The following EPHB1 variants were observed in gnomAD, a reference collection of about 807,000 sequenced individuals.
EPHB1 encodes EPH receptor B1, also known as ephrin type-B receptor 1.
EPHB1 carries 30 observed loss-of-function variants against 94.4 expected under a neutral mutation model. The observed-to-expected ratio is 0.32, with a 90% CI of 0.24 to 0.43. The LOEUF (loss-of-function observed/expected upper bound fraction) is 0.43. Ranked by LOEUF, EPHB1 falls within the 20% of genes least tolerant of loss-of-function variation. The pLI is 1.00. For missense variants in EPHB1, 1,055 were observed against 1,308.3 expected, an observed-to-expected ratio of 0.81 and a Z score of 2.99; for synonymous variants, 522 against 489.1, an observed-to-expected ratio of 1.07 and a Z score of -0.89.
chr3:135,037,062 C>T (rs1936668493), intron 3 of EPHB1, among the ~76,000 whole-genome samples: 1 of 152,124 alleles, frequency 6.6e-6, no homozygotes, highest in Admixed American at 6.5e-5. Context: ...ACATGGGGAA[C>T]ATCTTGACCT....
rs999393772 is a variant in EPHB1 at position 134,962,070 on chromosome 3, G to C, written c.805+10018G>C. Among the ~76,000 whole-genome samples, 5 of 152,068 alleles carry C rather than the reference G, an allele frequency of 3.3e-5. No individual in the cohort carries two copies. In the East Asian group the frequency reaches 9.6e-4, roughly 29 times the overall value. Reference sequence around the variant, plus strand: ...TTCCCAAATTGTCCTCCCCAAAAAGGCATTTTCTACCAATTTTTGTTCCCA... The same window carrying C: ...TTCCCAAATTGTCCTCCCCAAAAAGCCATTTTCTACCAATTTTTGTTCCCA... On this transcript the variant is annotated intron_variant, in intron 3 of 15. Transcript: ENST00000398015.
intron 3 of EPHB1, among the ~76,000 whole-genome samples, chr3:135,054,681 A>G (rs569003951): frequency 2.7e-4 from 41 of 152,336 alleles, no homozygotes; most frequent in African/African-American, 9.4e-4. Context: ...ATTTATTATA[A>G]AAGATTTATA....
At chr3:135,035,408 GA>G (rs1936613664) in intron 3 of EPHB1, among the ~76,000 whole-genome samples, 1 of 151,970 alleles carries the variant, frequency 6.6e-6, no homozygotes, top group Non-Finnish European at 1.5e-5. Flanking sequence ...TTGCTTGGGG[GA>G]AAAAAGAACA....
At position 134,812,994 on chromosome 3, in the gene EPHB1, C is replaced by T. The variant is rs111952085; in HGVS notation, c.58+17305C>T. 9.3e-3 allele frequency among the ~76,000 whole-genome samples: 1,421 copies of T among 152,134 alleles called. 19 individuals are homozygous for T. Among genetic ancestry groups the T allele is most frequent in the African/African-American group, 0.032 (1,323 of 41,500 alleles). ...GGTTGTCTGGAGGTGACAGAGTGACCCCACTCACACTATTTCCAGACAATT... is the reference window on the plus strand; with the variant it reads ...GGTTGTCTGGAGGTGACAGAGTGACTCCACTCACACTATTTCCAGACAATT... On this transcript the variant is annotated intron_variant, in intron 1 of 15. Coordinates refer to ENST00000398015, the MANE Select transcript of EPHB1 (RefSeq NM_004441.5).
At chr3:135,254,952 C>T (rs1400781379) in intron 15 of EPHB1, among the ~76,000 whole-genome samples, 14 of 152,176 alleles carry the variant, frequency 9.2e-5, no homozygotes, top group African/African-American at 2.9e-4. Context: ...TGGGAGAGTG[C>T]ATGTGTCAAG....
At chr3:134,984,098 A>T (rs1001701018) in intron 3 of EPHB1, among the ~76,000 whole-genome samples, 1 of 152,198 alleles carries the variant, frequency 6.6e-6, no homozygotes, top group Admixed American at 6.5e-5. Context: ...TTTCACAGTA[A>T]AAGTCACTAA....
At chr3:134,916,166 G>T (rs1300703824) in intron 1 of EPHB1, among the ~76,000 whole-genome samples, 1 of 151,592 alleles carries the variant, frequency 6.6e-6, no homozygotes, top group African/African-American at 2.4e-5. Flanking sequence ...CCAGACACAG[G>T]GTGCTGATTG....
chr3:134,891,906 G>A (rs1466429817), intron 1 of EPHB1, among the ~76,000 whole-genome samples: 3 of 152,180 alleles, frequency 2.0e-5, no homozygotes, highest in Non-Finnish European at 4.4e-5. Flanking sequence ...TTAGATAGGA[G>A]GGAGTTTACT....
intron 3 of EPHB1, among the ~76,000 whole-genome samples, chr3:135,003,641 TC>T (rs1169742324): frequency 1.3e-5 from 2 of 152,186 alleles, no homozygotes; most frequent in African/African-American, 4.8e-5. Flanking sequence ...ATCTGGGTGC[TC>T]CTGTATTGGG....
intron 4 of EPHB1, among the ~76,000 whole-genome samples, chr3:135,131,350 C>T (rs917169140): frequency 1.3e-5 from 2 of 152,164 alleles, no homozygotes; most frequent in Admixed American, 1.3e-4. Flanking sequence ...TGGTGCCCCC[C>T]GACCTTATTG....
chr3:134,839,506 G>A (rs2036738144), intron 1 of EPHB1, among the ~76,000 whole-genome samples: 1 of 152,138 alleles, frequency 6.6e-6, no homozygotes. Context: ...AGGTTAAAAG[G>A]CAGAGGGGTA....
chr3:135,156,474 TG>T (rs1941358993), intron 6 of EPHB1, among the ~76,000 whole-genome samples: 1 of 152,204 alleles, frequency 6.6e-6, no homozygotes, highest in South Asian at 2.1e-4. Flanking sequence ...TAACCAGCCA[TG>T]GAGCTGTGGT....
intron 3 of EPHB1, among the ~76,000 whole-genome samples, chr3:135,076,262 A>ATATAT (rs1559820194): frequency 2.9e-5 from 2 of 68,924 alleles, no homozygotes; most frequent in African/African-American, 1.1e-4. Flanking sequence ...TATATATATA[A>ATATAT]CTCTTAAATG....
chr3:135,041,764 T>G (rs1936851968), intron 3 of EPHB1, among the ~76,000 whole-genome samples: 1 of 152,172 alleles, frequency 6.6e-6, no homozygotes, highest in Non-Finnish European at 1.5e-5. Context: ...AAAAATTTGT[T>G]GACTCATGGT....
At chr3:134,960,566 A>G (rs192201075) in intron 3 of EPHB1, among the ~76,000 whole-genome samples, 4 of 152,306 alleles carry the variant, frequency 2.6e-5, no homozygotes, top group South Asian at 2.1e-4. Context: ...AGAGTATCTC[A>G]TCTTCCTTTG....
chr3:135,053,027 G>GTATATATATATGTA lies in EPHB1; in HGVS notation c.806-53410_806-53409insGTATATATATATAT, dbSNP rs1937235414. On this transcript the variant is annotated intron_variant, in intron 3 of 15. Coordinates refer to ENST00000398015, the MANE Select transcript of EPHB1 (RefSeq NM_004441.5). ...TGTGTATATATATGTGTGTGTGTGT[G>GTATATATATATGTA]TATATATATATATATATATATATAT... 1.8e-5 allele frequency among the ~76,000 whole-genome samples: 2 copies of GTATATATATATGTA among 110,464 alleles called. 1 individual carries two copies. Among genetic ancestry groups the GTATATATATATGTA allele is most frequent in the Admixed American group, 1.9e-4 (2 of 10,458 alleles). The allele number at this position is 110,464 out of a possible 152,430, so 72.5% of individuals were successfully genotyped here.
intron 3 of EPHB1, among the ~76,000 whole-genome samples, chr3:134,959,207 C>T (rs139315912): frequency 6.6e-6 from 1 of 152,298 alleles, no homozygotes; most frequent in East Asian, 1.9e-4. Context: ...TCGTTTTCTT[C>T]ACCAACGTCT....
chr3:135,195,010 T>G (rs1415330305), intron 11 of EPHB1, among the ~76,000 whole-genome samples: 7 of 152,182 alleles, frequency 4.6e-5, no homozygotes, highest in Admixed American at 4.6e-4. Flanking sequence ...GGACATTCAT[T>G]TATTATCAGA....
chr3:134,985,525 T>C (rs2107735405), intron 3 of EPHB1, among the ~76,000 whole-genome samples: 1 of 152,284 alleles, frequency 6.6e-6, no homozygotes, highest in South Asian at 2.1e-4. Context: ...TGTGAACTGG[T>C]CCTTTATACT....
Sources: allele counts gnomAD v4.1 joint callset (sites outside exome capture counted in the v4.1 genomes callset), GRCh38; gene constraint gnomAD v4.1.1; transcripts MANE v1.5; gene names NCBI Gene and HGNC (gene_info 2026-07-23, HGNC 2026-07-21).